The following NOL4 variants were observed in gnomAD, a reference collection of about 807,000 sequenced individuals.
The protein encoded by NOL4 is cancer/testis antigen 125.
Under a neutral mutation model 75.9 loss-of-function variants are expected in NOL4, and 17 were observed. The observed-to-expected ratio is 0.22, with a 90% CI of 0.15 to 0.34. The LOEUF (loss-of-function observed/expected upper bound fraction) is 0.34, where lower values mean the gene tolerates loss of function less well. Ranked by LOEUF, NOL4 falls within the 10% of genes least tolerant of loss-of-function variation. NOL4 has a pLI of 1.00. For missense variants in NOL4, 614 were observed against 793.5 expected (o/e 0.77, Z 2.72); for synonymous variants, 292 against 289.9 (o/e 1.01, Z -0.07).
chr18:34,200,764 A>G (rs926695919), intron 1 of NOL4, among the ~76,000 whole-genome samples: 11 of 151,820 alleles, frequency 7.2e-5, no homozygotes, highest in Non-Finnish European at 1.0e-4. Flanking sequence ...GATGAAAAAA[A>G]TAAGAAATGT....
At chr18:34,080,982 A>C (rs2077985607) in intron 5 of NOL4, among the ~76,000 whole-genome samples, 1 of 152,220 alleles carries the variant, frequency 6.6e-6, no homozygotes, top group African/African-American at 2.4e-5. Context: ...TTATTTATAA[A>C]ATTTTCATAC....
chr18:34,046,579 C>T (rs910530484), intron 5 of NOL4, among the ~76,000 whole-genome samples: 2 of 115,760 alleles, frequency 1.7e-5, no homozygotes, highest in East Asian at 2.4e-4. Context: ...AGTCCCTGAC[C>T]ATTTTTAAAA....
chr18:33,940,453 G>T (rs1311187672), intron 9 of NOL4, among the ~76,000 whole-genome samples: 1 of 151,924 alleles, frequency 6.6e-6, no homozygotes, highest in Non-Finnish European at 1.5e-5. Flanking sequence ...CACAAGAACA[G>T]CAAACCAAAC....
intron 2 of NOL4, among the ~76,000 whole-genome samples, chr18:34,123,877 T>C (rs1376526263): frequency 6.6e-6 from 1 of 151,736 alleles, no homozygotes; most frequent in Non-Finnish European, 1.5e-5. Flanking sequence ...TGCTATTTTA[T>C]ACTGATAAAC....
chr18:33,977,466 G>A, intron 6 of NOL4, among the ~76,000 whole-genome samples: 1 of 152,152 alleles, frequency 6.6e-6, no homozygotes, highest in East Asian at 1.9e-4. Context: ...ACTATGCCAT[G>A]TAAGATGTGA....
At chr18:34,214,826 C>T (rs1420658191) in intron 1 of NOL4, among the ~76,000 whole-genome samples, 1 of 152,026 alleles carries the variant, frequency 6.6e-6, no homozygotes, top group Non-Finnish European at 1.5e-5. Context: ...TATTATTCAG[C>T]CTTTAAAAGG....
At chr18:33,976,217 C>T (rs966962568) in intron 6 of NOL4, among the ~76,000 whole-genome samples, 1 of 152,134 alleles carries the variant, frequency 6.6e-6, no homozygotes, top group African/African-American at 2.4e-5. Context: ...GACCGTCTCA[C>T]AGCACACAAG....
intron 1 of NOL4, among the ~76,000 whole-genome samples, chr18:34,154,128 G>A (rs767712218): frequency 6.6e-6 from 1 of 151,908 alleles, no homozygotes; most frequent in African/African-American, 2.4e-5. Flanking sequence ...TGTTGAAAAC[G>A]TAAGACACAT....
At chr18:33,956,054 A>G (rs2069622591) in intron 8 of NOL4, among the ~76,000 whole-genome samples, 1 of 152,122 alleles carries the variant, frequency 6.6e-6, no homozygotes, top group Non-Finnish European at 1.5e-5. Context: ...GAAACAAAAA[A>G]CAGAAATCAT....
At chr18:34,039,348 T>G (rs989569593) in intron 5 of NOL4, among the ~76,000 whole-genome samples, 5 of 152,016 alleles carry the variant, frequency 3.3e-5, no homozygotes, top group African/African-American at 9.7e-5. Context: ...GGTGGCTTTT[T>G]TTTTCCCCTG....
intron 6 of NOL4, among the ~76,000 whole-genome samples, chr18:33,991,808 A>C (rs1280124066): frequency 1.3e-5 from 2 of 152,058 alleles, no homozygotes; most frequent in African/African-American, 4.8e-5. Context: ...CATACTAGAC[A>C]GAGCAGAGCA....
chr18:34,067,185 T>A (rs760887289), intron 5 of NOL4, among the ~76,000 whole-genome samples: 10 of 152,162 alleles, frequency 6.6e-5, no homozygotes, highest in Admixed American at 1.3e-4. Context: ...TCACTTGGAA[T>A]ATTATATTTG....
intron 5 of NOL4, among the ~76,000 whole-genome samples, chr18:34,066,083 A>G (rs1167651729): frequency 6.6e-6 from 1 of 151,990 alleles, no homozygotes; most frequent in Non-Finnish European, 1.5e-5. Context: ...TTTGAAGTAT[A>G]TATTCTAACA....
intron 5 of NOL4, among the ~76,000 whole-genome samples, chr18:34,036,683 GGAGGCT>G (rs1216899978): frequency 1.3e-5 from 2 of 152,178 alleles, no homozygotes; most frequent in Non-Finnish European, 2.9e-5. Flanking sequence ...CAGCACTTTG[GGAGGCT>G]GAGGTGGGTG....
At position 33,872,404 on chromosome 18, in the gene NOL4, A is replaced by T. The variant is rs75295446; in HGVS notation, c.1723+10840T>A. On this transcript the variant is annotated intron_variant, in intron 10 of 10. Coordinates refer to ENST00000261592, the MANE Select transcript of NOL4 (RefSeq NM_003787.5). ...TAAAAGCCAGGCAGTTTGAACTAAA[A>T]ACATTACTATTTAAGAATCAGCATT... 2.9e-3 allele frequency among the ~76,000 whole-genome samples: 440 copies of T among 152,144 alleles called. 12 individuals are homozygous for T. In the East Asian group the frequency reaches 0.075, roughly 26 times the overall value.
At chr18:34,153,245 T>C (rs1352543964) in intron 1 of NOL4, among the ~76,000 whole-genome samples, 1 of 151,914 alleles carries the variant, frequency 6.6e-6, no homozygotes, top group African/African-American at 2.4e-5. Context: ...ATTTCCAATA[T>C]TTATAAAATA....
Position 33,882,972 on chromosome 18 carries a change from C to T in NOL4, c.1723+272G>A, listed in dbSNP as rs532173328. ...ATCGCAAGAACAAAAAACCAAACAC[C>T]GCATATTCTCATTCATAGGTGGGAA... On this transcript the variant is annotated intron_variant, in intron 10 of 10. Coordinates refer to ENST00000261592, the MANE Select transcript of NOL4 (RefSeq NM_003787.5). Among the ~76,000 whole-genome samples the T allele has an allele frequency of 9.2e-5, 14 of 151,968 alleles. No homozygotes were observed. In the East Asian group the frequency reaches 1.7e-3, roughly 19 times the overall value.
chr18:33,956,253 T>G (rs987619909), intron 8 of NOL4, among the ~76,000 whole-genome samples: 3 of 152,178 alleles, frequency 2.0e-5, no homozygotes, highest in African/African-American at 7.2e-5. Flanking sequence ...ACAGATTAAT[T>G]TAATGGTTAC....
At chr18:34,112,723 T>C (rs915902191) in intron 2 of NOL4, among the ~76,000 whole-genome samples, 1 of 152,056 alleles carries the variant, frequency 6.6e-6, no homozygotes, top group African/African-American at 2.4e-5. Flanking sequence ...AATGAGGAGA[T>C]ATTGGTCAAA....
Sources: allele counts gnomAD v4.1 joint callset (sites outside exome capture counted in the v4.1 genomes callset), GRCh38; gene constraint gnomAD v4.1.1; transcripts MANE v1.5; gene names NCBI Gene and HGNC (gene_info 2026-07-23, HGNC 2026-07-21).